Variants in CAMK4 observed in about 807,000 individuals in gnomAD.
CAMK4 encodes calcium/calmodulin dependent protein kinase IV.
CAMK4 carries 22 observed loss-of-function variants against 44.9 expected under a neutral mutation model. That is an observed-to-expected ratio of 0.49 (90% CI 0.35 to 0.70). The LOEUF is 0.70. CAMK4 is among the 30% of genes least tolerant of loss of function. The pLI is 0.01. For missense variants in CAMK4, 498 were observed against 586.8 expected (o/e 0.85, Z 1.56); for synonymous variants, 218 against 215.4 (o/e 1.01, Z -0.11).
chr5:111,279,471 G>A (rs951987816), intron 1 of CAMK4, among the ~76,000 whole-genome samples: 18 of 151,688 alleles, frequency 1.2e-4, no homozygotes, highest in East Asian at 3.9e-4. Context: ...CCAACCAAGC[G>A]CAGATGTGCC....
Position 111,317,102 on chromosome 5 carries a change from C to T in CAMK4, c.162-26922C>T, listed in dbSNP as rs544244346. 1.5e-4 allele frequency among the ~76,000 whole-genome samples: 23 copies of T among 152,060 alleles called. No individual in the cohort carries two copies. In the South Asian group the frequency reaches 3.8e-3, roughly 25 times the overall value. The stretch of plus-strand genomic sequence containing the variant: ...ATAATAAAGGACATGGGCTTGGAAC[C>T]GAAGACACCATGGGCTTCTGATACC... On this transcript the variant is annotated intron_variant, in intron 1 of 10. Coordinates refer to ENST00000282356, the MANE Select transcript of CAMK4 (RefSeq NM_001744.6).
At chr5:111,276,165 G>T (rs1423421888) in intron 1 of CAMK4, among the ~76,000 whole-genome samples, 1 of 152,144 alleles carries the variant, frequency 6.6e-6, no homozygotes, top group Non-Finnish European at 1.5e-5. Flanking sequence ...CCAGTCTGCT[G>T]TATCTATTCT....
intron 5 of CAMK4, among the ~76,000 whole-genome samples, chr5:111,430,516 C>T (rs192964921): frequency 3.3e-5 from 5 of 152,224 alleles, no homozygotes; most frequent in African/African-American, 1.2e-4. Flanking sequence ...AGTTAAATTA[C>T]CCTTGTTTGC....
chr5:111,431,310 G>T (rs900375870), intron 5 of CAMK4, among the ~76,000 whole-genome samples: 1 of 152,116 alleles, frequency 6.6e-6, no homozygotes, highest in African/African-American at 2.4e-5. Context: ...ATATCCATAT[G>T]CAAAAGAATG....
rs747839230 is a variant in CAMK4 at position 111,224,439 on chromosome 5, AGCGGCG to A, written c.-27_-22del. On this transcript the variant is annotated 5_prime_UTR_variant, in exon 1 of 11. Coordinates refer to ENST00000282356, the MANE Select transcript of CAMK4 (RefSeq NM_001744.6). This position sits in a 1 kb window ranked among gnomAD's most constrained non-coding sequence, Gnocchi z 5.7. ...CTGGCGGCCGGCTTCTCGCTCGGGCAGCGGCGGCGGCGGCGGCGGCGGCTTCCGGAG... is the reference window on the plus strand; with the variant it reads ...CTGGCGGCCGGCTTCTCGCTCGGGCAGCGGCGGCGGCGGCGGCTTCCGGAG... 116 of 1,536,164 alleles carry A rather than the reference AGCGGCG, an allele frequency of 7.6e-5. No individual in the cohort carries two copies. The highest frequency in any genetic ancestry group is 3.7e-4 in the African/African-American group (26 of 69,936).
At position 111,492,718 on chromosome 5, in the gene CAMK4, T is replaced by G. The variant is rs1263611787; in HGVS notation, c.*8252T>G. 1 of 152,212 alleles carries G rather than the reference T, an allele frequency of 6.6e-6. No homozygotes were observed. Among genetic ancestry groups the G allele is most frequent in the African/African-American group, 2.4e-5 (1 of 41,458 alleles). The allele number at this position is 152,212 out of a possible 1,614,324, so 9.4% of individuals were successfully genotyped here. A position where few individuals can be genotyped will look rare whatever the true frequency, so the allele number is the denominator to read the frequency against. On this transcript the variant is annotated 3_prime_UTR_variant, in exon 11 of 11. Coordinates refer to ENST00000282356, the MANE Select transcript of CAMK4 (RefSeq NM_001744.6). Reference sequence around the variant, plus strand: ...AACAATTTTCCCTGTGAACTTTCACTGAGAAACTATTATATGCCATGGAGG... The same window carrying G: ...AACAATTTTCCCTGTGAACTTTCACGGAGAAACTATTATATGCCATGGAGG...
chr5:111,374,533 AAAG>A (rs1378478187), intron 2 of CAMK4, among the ~76,000 whole-genome samples: 4 of 152,160 alleles, frequency 2.6e-5, no homozygotes, highest in Admixed American at 1.3e-4. Context: ...AAAGGAAGAC[AAAG>A]AAGAAGGATA....
intron 5 of CAMK4, among the ~76,000 whole-genome samples, chr5:111,405,554 T>C (rs763912255): frequency 5.9e-5 from 9 of 152,216 alleles, no homozygotes; most frequent in Admixed American, 1.3e-4. Context: ...AATACTCCTT[T>C]TTTCCCTTTT....
At chr5:111,461,813 TAAAAAAAA>T (rs3066731) in intron 7 of CAMK4, among the ~76,000 whole-genome samples, 1 of 69,176 alleles carries the variant, frequency 1.4e-5, no homozygotes. Flanking sequence ...GCCTCTATAG[TAAAAAAAA>T]AAAAAAAAAA....
intron 1 of CAMK4, among the ~76,000 whole-genome samples, chr5:111,270,443 C>T (rs2288397): frequency 0.25 from 37,406 of 152,038 alleles, 5,277 homozygotes; most frequent in African/African-American, 0.39. Context: ...CTCCCTTGTC[C>T]CTGGTGACTT....
chr5:111,453,442 A>G (rs1255380113), intron 7 of CAMK4, among the ~76,000 whole-genome samples: 3 of 152,218 alleles, frequency 2.0e-5, no homozygotes, highest in African/African-American at 7.2e-5. Flanking sequence ...CACCACAGAT[A>G]GATACTCTCA....
intron 2 of CAMK4, among the ~76,000 whole-genome samples, chr5:111,369,927 A>C (rs1750940341): frequency 6.6e-6 from 1 of 151,958 alleles, no homozygotes. Context: ...AATATTTTCC[A>C]TCCATGGTTA....
chr5:111,432,138 TGTG>T (rs1753470472), intron 5 of CAMK4, among the ~76,000 whole-genome samples: 1 of 152,098 alleles, frequency 6.6e-6, no homozygotes, highest in East Asian at 1.9e-4. Flanking sequence ...ATAAAGAAAA[TGTG>T]GTACATATAC....
chr5:111,360,531 C>T (rs560333197), intron 2 of CAMK4, among the ~76,000 whole-genome samples: 28 of 152,170 alleles, frequency 1.8e-4, no homozygotes, highest in South Asian at 6.2e-4. Flanking sequence ...CCTTTGAAAC[C>T]GGACAGTCTT....
chr5:111,398,574 C>T (rs945177516), intron 5 of CAMK4, among the ~76,000 whole-genome samples: 1 of 152,184 alleles, frequency 6.6e-6, no homozygotes, highest in Non-Finnish European at 1.5e-5. Context: ...CATGATTTTA[C>T]TTGGAATATG....
intron 5 of CAMK4, among the ~76,000 whole-genome samples, chr5:111,442,816 C>A (rs1753875488): frequency 6.7e-6 from 1 of 148,252 alleles, no homozygotes; most frequent in African/African-American, 2.5e-5. Context: ...TTAATATTTT[C>A]AGTTATATTT....
chr5:111,456,484 C>G (rs376123499), intron 7 of CAMK4, among the ~76,000 whole-genome samples: 2,546 of 127,426 alleles, frequency 0.02, 67 homozygotes, highest in African/African-American at 0.061. Context: ...GAGCGAGACT[C>G]CATCTCAAAA....
rs61165317 is a variant in CAMK4, at chr5:111,443,328, C to G, written c.460-3358C>G. 1.1e-3 allele frequency among the ~76,000 whole-genome samples: 121 copies of G among 106,060 alleles called. 1 individual carries two copies. Among genetic ancestry groups the G allele is most frequent in the African/African-American group, 4.1e-3 (116 of 28,524 alleles). 69.6% of individuals were successfully genotyped at this position (106,060 alleles called of 152,430 possible). On this transcript the variant is annotated intron_variant, in intron 5 of 10. Transcript: ENST00000282356. ...CACACACACACACTATATATATATA[C>G]TATATATACTATATATATACTATAT...
At chr5:111,456,404 T>C (rs956535487) in intron 7 of CAMK4, among the ~76,000 whole-genome samples, 1 of 151,954 alleles carries the variant, frequency 6.6e-6, no homozygotes, top group Admixed American at 6.6e-5. Context: ...GGCAGGAGAA[T>C]GGCGTGAACC....
Sources: allele counts gnomAD v4.1 joint callset (sites outside exome capture counted in the v4.1 genomes callset), GRCh38; gene constraint gnomAD v4.1.1; non-coding constraint Gnocchi (gnomAD v3.1); transcripts MANE v1.5; gene names NCBI Gene and HGNC (gene_info 2026-07-23, HGNC 2026-07-21).